SPTAN1: variants seen among roughly 807,000 people sequenced by gnomAD.
SPTAN1 encodes spectrin alpha chain, non-erythrocytic 1.
A neutral mutation model predicts 331.3 loss-of-function variants in SPTAN1; 61 were observed. That is an observed-to-expected ratio of 0.18 (90% CI 0.15 to 0.23). The LOEUF is 0.23. Ranked by LOEUF, SPTAN1 falls within the 10% of genes least tolerant of loss-of-function variation. The pLI is 1.00. For missense variants in SPTAN1, 2,043 were observed against 3,147.9 expected, an observed-to-expected ratio of 0.65 and a Z score of 8.40; for synonymous variants, 1,153 against 1,173.9, an observed-to-expected ratio of 0.98 and a Z score of 0.36.
In SPTAN1 at chr9:128,613,440, G is replaced by A. The variant is rs1257362823; in HGVS notation, c.5103G>A (p.Leu1701=). ...YGKDLASVNN[L]LKKHQLLEAD... is the part of the protein sequence containing the mutation. ...AAGACCTAGCTTCTGTGAACAACCT[G>A]CTGAAAAAGCATCAACTGCTGGAAG... Residue 1701 remains leucine (L), a synonymous_variant, in exon 40 of 57, where the codon CTG becomes CTA. Transcript: ENST00000372739. 6.2e-7 allele frequency: 1 copy of A among 1,614,118 alleles called. No homozygotes were observed. Among genetic ancestry groups the A allele is most frequent in the African/African-American group, 1.3e-5 (1 of 74,940 alleles).
rs1859860729 is a variant in SPTAN1, at chr9:128,632,187, G to A, written c.6823G>A (p.Ala2275Thr). The A allele has an allele frequency of 6.2e-7, 1 of 1,613,388 alleles. No individual in the cohort carries two copies. Among genetic ancestry groups the A allele is most frequent in the Non-Finnish European group, 8.5e-7 (1 of 1,180,036 alleles). ...GCTCAAAAAGATCGAGGACCTGGGG[G>A]CCGCCATGGAGGAGGCCCTCATCCT... ...SQLKKIEDLGAAMEEALILDN... is the reference protein window; with the variant it reads ...SQLKKIEDLGTAMEEALILDN... Residue 2275 changes from alanine (A) to threonine (T), a missense_variant, in exon 53 of 57, where the codon GCC becomes ACC. Transcript: ENST00000372739.
Position 128,583,871 on chromosome 9 carries a change from G to A in SPTAN1, c.2095G>A (p.Gly699Ser). 3 of 1,614,212 alleles carry A rather than the reference G, an allele frequency of 1.9e-6. No homozygotes were observed. The highest frequency in any genetic ancestry group is 2.5e-6 in the Non-Finnish European group (3 of 1,180,046). ...TGAATTGTGGCTATATGAAGTAGAAGGTCACTTGGCTTCGGATGATTACGG... is the reference window on the plus strand; with the variant it reads ...TGAATTGTGGCTATATGAAGTAGAAAGTCACTTGGCTTCGGATGATTACGG... ...DIELWLYEVE[G>S]HLASDDYGKD... is the part of the protein sequence containing the mutation. The change falls in exon 16 of 57, where the codon GGT becomes AGT. Residue 699 changes from glycine to serine, a missense_variant. Transcript: ENST00000372739.
In SPTAN1 at chr9:128,632,586, A is replaced by G; in HGVS notation, c.7028A>G (p.Asp2343Gly). ...FSMMFKHFDK[D>G]KSGRLNHQEF... is the part of the protein sequence containing the mutation. ...TTGTGCTGCAGACACTTTGACAAGG[A>G]CAAGTCTGGCAGGCTGAACCATCAG... The change falls in exon 55 of 57, where the codon GAC becomes GGC. Residue 2343 changes from aspartate (D) to glycine (G), a missense_variant. Asp to Gly is a moderately conservative substitution (Grantham distance 94). This residue lies in a region of SPTAN1 where 58 missense variants were observed against 74.0 expected (regional missense o/e 0.78). Transcript: ENST00000372739. 6.2e-7 allele frequency: 1 copy of G among 1,614,070 alleles called. No homozygotes were observed. Among genetic ancestry groups the G allele is most frequent in the African/African-American group, 1.3e-5 (1 of 75,054 alleles).
At chr9:128,628,195 C>G (rs1451432947) in intron 51 of SPTAN1, 1 of 661,704 alleles carries the variant, frequency 1.5e-6, no homozygotes, top group South Asian at 1.5e-5. Context: ...CAAGGGCTCA[C>G]TTTGGGTAGG....
Position 128,608,187 on chromosome 9 carries a change from T to A in SPTAN1, c.4402T>A (p.Leu1468Met). ...ENWMAAREAF[L>M]NTEDKGDSLD... ...CTGGATGGCTGCCCGGGAGGCCTTCTTGAATACCGAAGACAAAGGAGACTC... is the reference window on the plus strand; with the variant it reads ...CTGGATGGCTGCCCGGGAGGCCTTCATGAATACCGAAGACAAAGGAGACTC... The change falls in exon 34 of 57, where the codon TTG (leucine) becomes ATG (methionine). Residue 1468 changes from leucine to methionine, a missense_variant. Physicochemically the swap from Leu to Met is conservative, Grantham distance 15 (BLOSUM62 2). Around this residue, in one of 12 missense-constraint regions of SPTAN1, gnomAD observed 179 missense variants for 215.7 expected, o/e 0.83. Coordinates refer to ENST00000372739, the MANE Select transcript of SPTAN1 (RefSeq NM_001130438.3). 1 of 1,614,128 alleles carries A rather than the reference T, an allele frequency of 6.2e-7. No individual in the cohort carries two copies. The highest frequency in any genetic ancestry group is 8.5e-7 in the Non-Finnish European group (1 of 1,180,020).
chr9:128,615,600 A>G, intron 40 of SPTAN1, 32 bp from the exon 41 acceptor site: 1 of 1,612,084 alleles, frequency 6.2e-7, no homozygotes, highest in African/African-American at 1.3e-5. Context: ...TGGGAGACCC[A>G]GTTTCTGACC....
At position 128,625,332 on chromosome 9, in the gene SPTAN1, A is replaced by T. The variant is rs1858570276; in HGVS notation, c.6069+153A>T. Among the ~76,000 whole-genome samples the T allele has an allele frequency of 6.6e-6, 1 of 152,148 alleles. No homozygotes were observed. Among genetic ancestry groups the T allele is most frequent in the Non-Finnish European group, 1.5e-5 (1 of 68,020 alleles). On this transcript the variant is annotated intron_variant, in intron 47 of 56. Coordinates refer to ENST00000372739, the MANE Select transcript of SPTAN1 (RefSeq NM_001130438.3). The surrounding 1 kb of genome is among the most constrained non-coding windows in gnomAD (Gnocchi z 4.1). ...CTGGTCCTCAGGGAGCTTCCAGACT[A>T]ACTGGGGAAGCAGACACAGAACCAG...
At position 128,632,171 on chromosome 9, in the gene SPTAN1, G is replaced by T; in HGVS notation, c.6807G>T (p.Lys2269Asn). 6.2e-7 allele frequency: 1 copy of T among 1,613,500 alleles called. No homozygotes were observed. Among genetic ancestry groups the T allele is most frequent in the Non-Finnish European group, 8.5e-7 (1 of 1,180,036 alleles). Residue 2269 changes from lysine (K) to asparagine (N), a missense_variant, in exon 53 of 57, where the codon AAG becomes AAT. By Grantham distance (94) the Lys-to-Asn change is moderately conservative. Transcript: ENST00000372739. ...GAGCCATGAGAAGTCAGCTCAAAAAGATCGAGGACCTGGGGGCCGCCATGG... is the reference window on the plus strand; with the variant it reads ...GAGCCATGAGAAGTCAGCTCAAAAATATCGAGGACCTGGGGGCCGCCATGG... ...EIRAMRSQLK[K>N]IEDLGAAMEE...
Position 128,609,375 on chromosome 9 carries a change from T to G in SPTAN1, c.4758+91T>G, listed in dbSNP as rs1446936607. Reference sequence around the variant, plus strand: ...TAAAGCATTTATAAAACAATCTCCTTGCACCCATGGGAAGTCAGTGAGAAA... The same window carrying G: ...TAAAGCATTTATAAAACAATCTCCTGGCACCCATGGGAAGTCAGTGAGAAA... On this transcript the variant is annotated intron_variant, in intron 36 of 56. Coordinates refer to ENST00000372739, the MANE Select transcript of SPTAN1 (RefSeq NM_001130438.3). 4 of 1,573,436 alleles carry G rather than the reference T, an allele frequency of 2.5e-6. No individual in the cohort carries two copies. In the East Asian group the frequency reaches 9.0e-5, roughly 35 times the overall value.
At chr9:128,623,529 C>T (rs1161191526) in intron 45 of SPTAN1, among the ~76,000 whole-genome samples, 1 of 151,800 alleles carries the variant, frequency 6.6e-6, no homozygotes, top group East Asian at 1.9e-4. Context: ...GATCTCGGCT[C>T]ACTGCAGCCT....
In SPTAN1 at chr9:128,582,548, C is replaced by T. The variant is rs1352409938; in HGVS notation, c.1642C>T (p.Arg548Ter). The T allele has an allele frequency of 6.2e-7, 1 of 1,613,826 alleles. No homozygotes were observed. The highest frequency in any genetic ancestry group is 1.7e-5 in the Admixed American group (1 of 60,016). ...TGCAATGGAAGATGTGGCCACTCGC[C>T]GAGATGCTGTAAGTTTGTAGGTTCT... is the stretch of plus-strand genomic sequence containing the variant. ...HYAMEDVATR[R>*]DALLSRRNAL... Residue 548 changes from arginine to a stop codon, truncating the protein, a stop_gained, in exon 13 of 57, where the codon CGA (arginine) becomes TGA (stop). Coordinates refer to ENST00000372739, the MANE Select transcript of SPTAN1 (RefSeq NM_001130438.3). LOFTEE classifies it high-confidence loss of function.
intron 40 of SPTAN1, 59 bp downstream of exon 40, chr9:128,613,544 T>G: frequency 7.2e-7 from 1 of 1,382,460 alleles, no homozygotes; most frequent in South Asian, 1.2e-5. Flanking sequence ...GCCTGACTCC[T>G]AAGGAAAACA....
intron 44 of SPTAN1, among the ~76,000 whole-genome samples, chr9:128,619,937 A>G (rs775486293): frequency 2.0e-5 from 3 of 152,204 alleles, no homozygotes; most frequent in African/African-American, 4.8e-5. Context: ...CTGGGCTGAG[A>G]GATCCATCAC....
chr9:128,604,293 G>T, intron 28 of SPTAN1, 33 bp from the exon 29 acceptor site: 1 of 1,602,706 alleles, frequency 6.2e-7, no homozygotes, highest in Non-Finnish European at 8.5e-7. Context: ...AGGAGAGGGA[G>T]TGCAGTGGAG....
chr9:128,591,396 G>A (rs1853502581), intron 21 of SPTAN1, 81 bp from the exon 22 acceptor site: 9 of 1,582,342 alleles, frequency 5.7e-6, no homozygotes, highest in African/African-American at 2.7e-5. Flanking sequence ...ACGCTCTCGT[G>A]TGTGTGTATA....
Position 128,627,191 on chromosome 9 carries a change from GAA to G in SPTAN1, c.6577-194_6577-193del, listed in dbSNP as rs1858894206. 1 of 649,378 alleles carries G rather than the reference GAA, an allele frequency of 1.5e-6. No homozygotes were observed. Among genetic ancestry groups the G allele is most frequent in the South Asian group, 1.6e-5 (1 of 60,764 alleles). The allele number at this position is 649,378 out of a possible 1,614,324, so 40.2% of individuals were successfully genotyped here. A position where few individuals can be genotyped will look rare whatever the true frequency, so the allele number is the denominator to read the frequency against. ...TTCCCTCCAGGTCCGCCTCTTCCTT[GAA>G]GCCCCTGGGGGGTGGGAACAGAGAA... On this transcript the variant is annotated intron_variant, in intron 49 of 56. Transcript: ENST00000372739. This position sits in a 1 kb window ranked among gnomAD's most constrained non-coding sequence, Gnocchi z 4.9.
chr9:128,556,135 C>T (rs967072730), intron 1 of SPTAN1, among the ~76,000 whole-genome samples: 2 of 151,870 alleles, frequency 1.3e-5, no homozygotes, highest in African/African-American at 4.8e-5. Context: ...GCAGGAGAAT[C>T]GCTTTAACCG....
chr9:128,583,336 T>A, intron 15 of SPTAN1, 55 bp downstream of exon 15: 1 of 1,554,818 alleles, frequency 6.4e-7, no homozygotes, highest in Non-Finnish European at 8.8e-7. Context: ...TAAATACCCC[T>A]TTCTATTAAG....
At chr9:128,589,077 TC>T in intron 21 of SPTAN1, 134 bp downstream of exon 21, 1 of 1,277,508 alleles carries the variant, frequency 7.8e-7, no homozygotes, top group Non-Finnish European at 1.1e-6. Context: ...TCCTCACCAA[TC>T]CCCCACGTGA....
Sources: gnomAD v4.1 joint callset for allele counts (sites outside exome capture counted in the v4.1 genomes callset) on GRCh38, gnomAD v4.1.1 for gene constraint, gnomAD v4.1.1 regional missense constraint, Gnocchi (gnomAD v3.1) non-coding constraint, MANE v1.5 for transcripts, NCBI Gene and HGNC (gene_info 2026-07-23, HGNC 2026-07-21) for gene names.